The following DNAJC5 variants were observed in gnomAD, a reference collection of about 807,000 sequenced individuals.
The protein encoded by DNAJC5 is DnaJ heat shock protein family (Hsp40) member C5.
In DNAJC5, 1 loss-of-function variant was observed where a neutral mutation model predicts 23.2. That is an observed-to-expected ratio of 0.04 (90% CI 0.02 to 0.20). The LOEUF (loss-of-function observed/expected upper bound fraction) is 0.20, where lower values mean the gene tolerates loss of function less well. DNAJC5 is among the 10% of genes least tolerant of loss of function. The pLI, the probability that DNAJC5 is intolerant of heterozygous loss-of-function variation, is 1.00. For missense variants in DNAJC5, 180 were observed against 267.0 expected (o/e 0.67, Z 2.27); for synonymous variants, 136 against 120.0 (o/e 1.13, Z -0.87).
chr20:63,921,861 C>A (rs978165451), intron 1 of DNAJC5, among the ~76,000 whole-genome samples: 4 of 151,950 alleles, frequency 2.6e-5, no homozygotes, highest in Non-Finnish European at 5.9e-5. Context: ...TCACTGCAAC[C>A]TCCTCCTCCC....
At chr20:63,905,097 C>G (rs1032815548) in intron 1 of DNAJC5, among the ~76,000 whole-genome samples, 1 of 148,212 alleles carries the variant, frequency 6.7e-6, no homozygotes, top group Non-Finnish European at 1.5e-5. Flanking sequence ...AGCCACCGTG[C>G]CTGGCTTTTT....
At chr20:63,916,398 G>T (rs1338751791) in intron 1 of DNAJC5, among the ~76,000 whole-genome samples, 1 of 152,220 alleles carries the variant, frequency 6.6e-6, no homozygotes, top group African/African-American at 2.4e-5. Context: ...GGGCCGCGAT[G>T]CCCGCCTGAG....
At chr20:63,915,488 G>A (rs945906502) in intron 1 of DNAJC5, among the ~76,000 whole-genome samples, 5 of 151,740 alleles carry the variant, frequency 3.3e-5, no homozygotes, top group African/African-American at 1.2e-4. Flanking sequence ...AAAGAACTGT[G>A]AACTGGAAGA....
Position 63,930,862 on chromosome 20 carries a change from C to G in DNAJC5, c.333C>G (p.Val111=), listed in dbSNP as rs1037164977. Residue 111 remains valine, a synonymous_variant, in exon 4 of 5, where the codon GTC becomes GTG. Transcript: ENST00000360864. The part of the protein sequence containing the change: ...LSSWWAKALF[V]FCGLLTCCYC... Reference sequence around the variant, plus strand: ...TCTTCTCCCCCCAGGCCCTGTTTGTCTTCTGCGGCCTCCTCACGTGCTGCT... The same window carrying G: ...TCTTCTCCCCCCAGGCCCTGTTTGTGTTCTGCGGCCTCCTCACGTGCTGCT... The G allele has an allele frequency of 6.2e-7, 1 of 1,613,050 alleles. No individual in the cohort carries two copies. The highest frequency in any genetic ancestry group is 8.5e-7 in the Non-Finnish European group (1 of 1,179,950).
At chr20:63,897,000 GAC>G (rs915153362) in intron 1 of DNAJC5, among the ~76,000 whole-genome samples, 51 of 152,306 alleles carry the variant, frequency 3.3e-4, no homozygotes, top group African/African-American at 1.2e-3. Context: ...AATGAGGAAA[GAC>G]AGCCAGGTAA....
intron 3 of DNAJC5, among the ~76,000 whole-genome samples, chr20:63,930,331 T>C (rs1180033544): frequency 6.6e-6 from 1 of 151,230 alleles, no homozygotes; most frequent in East Asian, 1.9e-4. Flanking sequence ...CGTGAACCAC[T>C]GTGCCCAGCC....
At chr20:63,924,436 C>T (rs2053595377) in intron 1 of DNAJC5, among the ~76,000 whole-genome samples, 1 of 152,180 alleles carries the variant, frequency 6.6e-6, no homozygotes, top group South Asian at 2.1e-4. Context: ...ACCCAGGCTA[C>T]AGTGTGGTGG....
At chr20:63,917,408 A>ACC (rs2053522056) in intron 1 of DNAJC5, among the ~76,000 whole-genome samples, 1 of 151,558 alleles carries the variant, frequency 6.6e-6, no homozygotes. Context: ...GTGCAATACA[A>ACC]AAAATGCAGA....
Position 63,930,835 on chromosome 20 carries a change from C to T in DNAJC5, c.322-16C>T. 1 of 1,611,978 alleles carries T rather than the reference C, an allele frequency of 6.2e-7. No individual in the cohort carries two copies. Among genetic ancestry groups the T allele is most frequent in the Non-Finnish European group, 8.5e-7 (1 of 1,179,884 alleles). On this transcript the variant is annotated splice_polypyrimidine_tract_variant and intron_variant, in intron 3 of 4. Coordinates refer to ENST00000360864, the MANE Select transcript of DNAJC5 (RefSeq NM_025219.3). ...GGCCTCGGAGGCCATGCAACACCAC[C>T]TTCTTCTCCCCCCAGGCCCTGTTTG...
At position 63,931,764 on chromosome 20, in the gene DNAJC5, T is replaced by C. The variant is rs1430515507; in HGVS notation, c.*196T>C. 3.1e-6 allele frequency: 2 copies of C among 635,068 alleles called. No individual in the cohort carries two copies. The highest frequency in any genetic ancestry group is 5.7e-6 in the Non-Finnish European group (2 of 353,518). The allele number at this position is 635,068 out of a possible 1,614,324, so 39.3% of individuals were successfully genotyped here. ...GTAGCATGCAGTATTTAAAGCAGTG[T>C]AGCTACGGTCTTCTGTTTTTTTCCC... is the stretch of plus-strand genomic sequence containing the variant. On this transcript the variant is annotated 3_prime_UTR_variant, in exon 5 of 5. Coordinates refer to ENST00000360864, the MANE Select transcript of DNAJC5 (RefSeq NM_025219.3). This position sits in a 1 kb window ranked among gnomAD's most constrained non-coding sequence, Gnocchi z 9.6.
chr20:63,915,937 T>C (rs1408722255), intron 1 of DNAJC5, among the ~76,000 whole-genome samples: 2 of 152,188 alleles, frequency 1.3e-5, no homozygotes, highest in Non-Finnish European at 2.9e-5. Flanking sequence ...CCCATGTCAT[T>C]ATTATTAATA....
intron 1 of DNAJC5, among the ~76,000 whole-genome samples, chr20:63,911,725 G>T (rs1286586135): frequency 6.6e-6 from 1 of 151,898 alleles, no homozygotes; most frequent in Non-Finnish European, 1.5e-5. Flanking sequence ...TCAGGCTGGA[G>T]TGCGGTGGCG....
rs745794091 is a variant in DNAJC5, at chr20:63,931,484, C to T, written c.513C>T (p.Ile171=). 1.7e-5 allele frequency: 26 copies of T among 1,571,334 alleles called. No individual in the cohort carries two copies. In the South Asian group the frequency reaches 1.7e-4, roughly 11 times the overall value. The change falls in exon 5 of 5, where the codon ATC becomes ATT. Residue 171 remains isoleucine (I), a synonymous_variant. Transcript: ENST00000360864. This position sits in a 1 kb window ranked among gnomAD's most constrained non-coding sequence, Gnocchi z 9.6. ...SDEREATDTP[I]VIQPASATET... ...TTTCAGAGGCCACAGACACGCCGAT[C>T]GTCATACAGCCGGCATCCGCCACCG...
At chr20:63,912,933 C>A (rs2053491031) in intron 1 of DNAJC5, among the ~76,000 whole-genome samples, 4 of 152,094 alleles carry the variant, frequency 2.6e-5, no homozygotes, top group Non-Finnish European at 1.5e-5. Context: ...TGGTTCATCA[C>A]AGATTTTAAA....
rs1568992646 is a variant in DNAJC5, at chr20:63,934,052, TG to T, written c.*2486del. ...ATCATGGTTGTGGCCATTCTCACGG[TG>T]GTGATTGTGATTAGACGACCCCCGG... On this transcript the variant is annotated 3_prime_UTR_variant, in exon 5 of 5. Coordinates refer to ENST00000360864, the MANE Select transcript of DNAJC5 (RefSeq NM_025219.3). 6.6e-6 allele frequency: 1 copy of T among 151,916 alleles called. No individual in the cohort carries two copies. The highest frequency in any genetic ancestry group is 2.4e-5 in the African/African-American group (1 of 41,310). 9.4% of individuals were successfully genotyped at this position (151,916 alleles called of 1,614,324 possible). A position where few individuals can be genotyped will look rare whatever the true frequency, so the allele number is the denominator to read the frequency against.
At chr20:63,897,522 C>T (rs538055893) in intron 1 of DNAJC5, among the ~76,000 whole-genome samples, 87 of 152,292 alleles carry the variant, frequency 5.7e-4, no homozygotes, top group African/African-American at 1.9e-3. Flanking sequence ...GCAAAGGTCA[C>T]GCCACACTGC....
intron 1 of DNAJC5, among the ~76,000 whole-genome samples, chr20:63,923,007 G>A (rs907105963): frequency 3.3e-5 from 5 of 152,074 alleles, no homozygotes; most frequent in African/African-American, 1.2e-4. Context: ...CAGGCGTGGT[G>A]GTACGTGCCT....
At chr20:63,917,998 C>T (rs2053527590) in intron 1 of DNAJC5, among the ~76,000 whole-genome samples, 1 of 152,182 alleles carries the variant, frequency 6.6e-6, no homozygotes, top group African/African-American at 2.4e-5. Flanking sequence ...GTAGCTGCAT[C>T]AGCTTCACGC....
At chr20:63,906,214 C>T (rs762988505) in intron 1 of DNAJC5, among the ~76,000 whole-genome samples, 12 of 152,088 alleles carry the variant, frequency 7.9e-5, no homozygotes, top group East Asian at 1.9e-4. Context: ...GGGCCAGGCA[C>T]GGTGGCTCAC....
Sources: gnomAD v4.1 joint callset for allele counts (sites outside exome capture counted in the v4.1 genomes callset) on GRCh38, gnomAD v4.1.1 for gene constraint, Gnocchi (gnomAD v3.1) non-coding constraint, MANE v1.5 for transcripts, NCBI Gene and HGNC (gene_info 2026-07-23, HGNC 2026-07-21) for gene names.